The following MMRN1 variants were observed in gnomAD, a reference collection of about 807,000 sequenced individuals.
The protein encoded by MMRN1 is multimerin 1, also known as multimerin-1.
A neutral mutation model predicts 100.7 loss-of-function variants in MMRN1; 94 were observed. That is an observed-to-expected ratio of 0.93 (90% CI 0.79 to 1.11). The LOEUF (loss-of-function observed/expected upper bound fraction) is 1.11, where lower values mean the gene tolerates loss of function less well. Among genes scored for constraint, MMRN1 ranks in the 50% least tolerant of loss-of-function variants. The pLI is 0.00. For missense variants in MMRN1, 1,606 were observed against 1,439.1 expected (o/e 1.12, Z -1.88); for synonymous variants, 575 against 505.0 (o/e 1.14, Z -1.86).
Position 89,935,199 on chromosome 4 carries a change from A to G in MMRN1, c.1519A>G (p.Asn507Asp), listed in dbSNP as rs903267201. Residue 507 changes from asparagine to aspartate, a missense_variant, in exon 6 of 8, where the codon AAT becomes GAT. Asn to Asp is a conservative substitution (Grantham distance 23, BLOSUM62 1). Coordinates refer to ENST00000264790, the MANE Select transcript of MMRN1 (RefSeq NM_007351.3). ...AAGCATTCTGTATTATGAATCCCTC[A>G]ATAAAACTCTTTCTAAATTGAAGGA... The part of the protein sequence containing the change: ...SRSILYYESL[N>D]KTLSKLKEVH... 6.2e-7 allele frequency: 1 copy of G among 1,613,414 alleles called. No homozygotes were observed. The highest frequency in any genetic ancestry group is 1.1e-5 in the South Asian group (1 of 90,950).
chr4:89,948,134 G>T (rs1560600253), intron 6 of MMRN1, among the ~76,000 whole-genome samples: 1 of 152,160 alleles, frequency 6.6e-6, no homozygotes, highest in South Asian at 2.1e-4. Context: ...TTACAGGCGT[G>T]AGCCACCGTA....
chr4:89,950,057 TA>T lies in MMRN1; in HGVS notation c.3119-1547del, dbSNP rs1723113459. On this transcript the variant is annotated intron_variant, in intron 6 of 7. Coordinates refer to ENST00000264790, the MANE Select transcript of MMRN1 (RefSeq NM_007351.3). ...TTTCTGCATTTACATAATTATGCAT[TA>T]TGTTTATAACCATATTCATAATTTG... 2.6e-5 allele frequency among the ~76,000 whole-genome samples: 4 copies of T among 152,350 alleles called. No homozygotes were observed. The South Asian group carries it at 8.3e-4, about 32-fold the overall frequency.
chr4:89,882,669 T>C (rs776443397), intron 1 of MMRN1, among the ~76,000 whole-genome samples: 3 of 152,024 alleles, frequency 2.0e-5, no homozygotes, highest in Non-Finnish European at 4.4e-5. Context: ...GATTGAATAC[T>C]TGATTTAAGA....
intron 1 of MMRN1, among the ~76,000 whole-genome samples, chr4:89,898,511 G>A (rs961569490): frequency 4.6e-5 from 7 of 151,628 alleles, no homozygotes; most frequent in Admixed American, 1.3e-4. Context: ...TTCCCAGCTC[G>A]TGAGGCTTCA....
At chr4:89,936,962 T>C (rs974655018) in intron 6 of MMRN1, among the ~76,000 whole-genome samples, 164 bp downstream of exon 6, 4 of 152,094 alleles carry the variant, frequency 2.6e-5, no homozygotes, top group African/African-American at 9.6e-5. Flanking sequence ...TCTGAATCTA[T>C]CTTACAGTAT....
At chr4:89,924,494 T>C (rs952807216) in intron 4 of MMRN1, among the ~76,000 whole-genome samples, 1 of 151,852 alleles carries the variant, frequency 6.6e-6, no homozygotes, top group Non-Finnish European at 1.5e-5. Context: ...CCTTCAAACC[T>C]ATCATGAAAT....
Position 89,935,022 on chromosome 4 carries a change from G to A in MMRN1, c.1342G>A (p.Glu448Lys). ...AAQQKFVLVQ[E>K]NRPTLTDIVE... Reference sequence around the variant, plus strand: ...CCAGCAAAAGTTTGTTTTGGTGCAAGAGAATCGGCCCACTTTGACTGATAT... The same window carrying A: ...CCAGCAAAAGTTTGTTTTGGTGCAAAAGAATCGGCCCACTTTGACTGATAT... The change falls in exon 6 of 8, where the codon GAG (glutamate) becomes AAG (lysine). Residue 448 changes from glutamate (E) to lysine (K), a missense_variant. By Grantham distance (56) the Glu-to-Lys change is moderately conservative (BLOSUM62 1). Coordinates refer to ENST00000264790, the MANE Select transcript of MMRN1 (RefSeq NM_007351.3). 1 of 1,613,010 alleles carries A rather than the reference G, an allele frequency of 6.2e-7. No homozygotes were observed.
upstream of MMRN1, chr4:89,894,655 A>C (rs1721130322): frequency 4.8e-6 from 1 of 210,284 alleles, no homozygotes; most frequent in East Asian, 1.1e-4. Context: ...TCAGGAAAAG[A>C]AAGTTACTTC....
chr4:89,882,548 C>T (rs537965859), intron 1 of MMRN1, among the ~76,000 whole-genome samples: 1 of 151,670 alleles, frequency 6.6e-6, no homozygotes, highest in South Asian at 2.1e-4. Context: ...ATTTAATGTC[C>T]TAGTCATATT....
intron 1 of MMRN1, among the ~76,000 whole-genome samples, chr4:89,884,851 A>T (rs1269743531): frequency 6.6e-6 from 1 of 152,180 alleles, no homozygotes; most frequent in East Asian, 1.9e-4. Context: ...CTTTCCAGTC[A>T]TCCTGCTAAT....
intron 4 of MMRN1, among the ~76,000 whole-genome samples, chr4:89,926,270 C>T (rs889748424): frequency 6.6e-6 from 1 of 152,152 alleles, no homozygotes; most frequent in African/African-American, 2.4e-5. Flanking sequence ...TTCCCTTTCT[C>T]CATATCCTTG....
chr4:89,932,917 A>T (rs1337843705), intron 5 of MMRN1, among the ~76,000 whole-genome samples: 1 of 152,038 alleles, frequency 6.6e-6, no homozygotes, highest in African/African-American at 2.4e-5. Flanking sequence ...ACCAGCTTGA[A>T]TTTCTCCTCA....
intron 2 of MMRN1, among the ~76,000 whole-genome samples, 178 bp downstream of exon 2, chr4:89,909,573 T>G (rs1269829002): frequency 1.3e-5 from 2 of 151,542 alleles, no homozygotes; most frequent in African/African-American, 2.4e-5. Context: ...CATATGGTCA[T>G]TTTTAGAATC....
At chr4:89,934,745 C>A in intron 5 of MMRN1, 65 bp from the exon 6 acceptor site, 1 of 928,336 alleles carries the variant, frequency 1.1e-6, no homozygotes, top group Non-Finnish European at 1.5e-6. Flanking sequence ...AACTTTTTAT[C>A]TTTTAGAGAT....
At chr4:89,918,049 G>C (rs974871084) in intron 3 of MMRN1, among the ~76,000 whole-genome samples, 1 of 151,138 alleles carries the variant, frequency 6.6e-6, no homozygotes. Context: ...TTTTAGTTTT[G>C]TCATATAAAT....
At chr4:89,927,643 G>A (rs774140230) in intron 4 of MMRN1, 152 bp from the exon 5 acceptor site, 8 of 618,628 alleles carry the variant, frequency 1.3e-5, no homozygotes, top group Non-Finnish European at 2.2e-5. Context: ...AGAGCTTCTA[G>A]TGCTTTGTTG....
chr4:89,937,778 T>G (rs1276205065), intron 6 of MMRN1, among the ~76,000 whole-genome samples: 1 of 152,062 alleles, frequency 6.6e-6, no homozygotes, highest in Non-Finnish European at 1.5e-5. Context: ...ACTTTCCCGA[T>G]GTTTTGAATT....
chr4:89,920,824 G>GT (rs1050044483), intron 3 of MMRN1, among the ~76,000 whole-genome samples: 44 of 150,672 alleles, frequency 2.9e-4, no homozygotes, highest in Admixed American at 8.6e-4. Flanking sequence ...TTGTTTGTTT[G>GT]TTTTTTTTAA....
Position 89,912,049 on chromosome 4 carries a change from A to G in MMRN1, c.849A>G (p.Arg283=). 6.4e-7 allele frequency: 1 copy of G among 1,565,330 alleles called. No individual in the cohort carries two copies. The highest frequency in any genetic ancestry group is 8.7e-7 in the Non-Finnish European group (1 of 1,145,026). ...ACAGTGGGCCGAAATGTCAACTAAG[A>G]GGTACACTCTAATATTAATAATCAC... is the stretch of plus-strand genomic sequence containing the variant. ...PGYSGPKCQL[R]AQEQQSLIHT... is the part of the protein sequence containing the mutation. Residue 283 remains arginine, a splice_region_variant and synonymous_variant, in exon 3 of 8, where the codon AGA becomes AGG. Transcript: ENST00000264790.
Sources: allele counts gnomAD v4.1 joint callset (sites outside exome capture counted in the v4.1 genomes callset), GRCh38; gene constraint gnomAD v4.1.1; transcripts MANE v1.5; gene names NCBI Gene and HGNC (gene_info 2026-07-23, HGNC 2026-07-21).